IPO11: variants seen among roughly 807,000 people sequenced by gnomAD.
The protein encoded by IPO11 is importin-11.
A neutral mutation model predicts 143.2 loss-of-function variants in IPO11; 66 were observed. That is an observed-to-expected ratio of 0.46 (90% confidence interval 0.38 to 0.57). IPO11 has a LOEUF of 0.57. IPO11 is among the 20% of genes least tolerant of loss of function. The pLI, the probability that IPO11 is intolerant of heterozygous loss-of-function variation, is 0.00. For missense variants in IPO11, 1,026 were observed against 1,141.0 expected, an observed-to-expected ratio of 0.90 and a Z score of 1.45; for synonymous variants, 385 against 377.8, an observed-to-expected ratio of 1.02 and a Z score of -0.22.
At chr5:62,517,751 T>C (rs1157031352) in intron 20 of IPO11, among the ~76,000 whole-genome samples, 2 of 152,138 alleles carry the variant, frequency 1.3e-5, no homozygotes, top group Non-Finnish European at 2.9e-5. Context: ...GAGAGACATG[T>C]AACTAAACAC....
chr5:62,627,439 A>T lies in IPO11; in HGVS notation c.*121A>T. The T allele has an allele frequency of 2.3e-6, 2 of 856,248 alleles. No individual in the cohort carries two copies. Among genetic ancestry groups the T allele is most frequent in the Non-Finnish European group, 3.6e-6 (2 of 561,154 alleles). The allele number at this position is 856,248 out of a possible 1,614,324, so 53.0% of individuals were successfully genotyped here. On this transcript the variant is annotated 3_prime_UTR_variant, in exon 30 of 30. Coordinates refer to ENST00000325324, the MANE Select transcript of IPO11 (RefSeq NM_016338.5). The stretch of plus-strand genomic sequence containing the variant: ...CTTCATGAAAATAAGCAAAGACCAC[A>T]CATTTTTTACTACAAAATGTAAAGG...
At chr5:62,494,745 C>T (rs1022896577) in intron 16 of IPO11, among the ~76,000 whole-genome samples, 4 of 151,786 alleles carry the variant, frequency 2.6e-5, no homozygotes, top group Non-Finnish European at 5.9e-5. Context: ...TTCTTTTTTC[C>T]TACTGGTGCT....
At chr5:62,420,341 C>T (rs1446995898) in intron 1 of IPO11, among the ~76,000 whole-genome samples, 1 of 148,488 alleles carries the variant, frequency 6.7e-6, no homozygotes, top group Admixed American at 6.7e-5. Context: ...AAACCAGTAA[C>T]ATAGTTGCTT....
At chr5:62,572,104 G>A (rs1420799574) in intron 27 of IPO11, among the ~76,000 whole-genome samples, 1 of 152,124 alleles carries the variant, frequency 6.6e-6, no homozygotes, top group African/African-American at 2.4e-5. Context: ...TCTCTGCCAG[G>A]CTATTGAGTA....
chr5:62,509,845 A>G (rs747448854), intron 19 of IPO11, among the ~76,000 whole-genome samples: 1 of 152,218 alleles, frequency 6.6e-6, no homozygotes, highest in Non-Finnish European at 1.5e-5. Flanking sequence ...GAATAGTGCT[A>G]CAGTAAACAT....
At chr5:62,535,074 A>G (rs1939621103) in intron 22 of IPO11, among the ~76,000 whole-genome samples, 1 of 148,518 alleles carries the variant, frequency 6.7e-6, no homozygotes, top group African/African-American at 2.5e-5. Flanking sequence ...AACATGCCCA[A>G]GAAAATTTTG....
intron 3 of IPO11, among the ~76,000 whole-genome samples, chr5:62,447,906 G>A (rs1744776426): frequency 6.6e-6 from 1 of 152,030 alleles, no homozygotes; most frequent in Admixed American, 6.6e-5. Context: ...GTAGAGACAG[G>A]GTTTTGCCAT....
At chr5:62,568,395 T>C (rs1177809398) in intron 27 of IPO11, among the ~76,000 whole-genome samples, 2 of 151,408 alleles carry the variant, frequency 1.3e-5, no homozygotes, top group Non-Finnish European at 2.9e-5. Context: ...GTATTTCCGT[T>C]TGATTTTTTG....
chr5:62,442,232 C>A (rs899277831), intron 2 of IPO11, among the ~76,000 whole-genome samples: 1 of 152,142 alleles, frequency 6.6e-6, no homozygotes, highest in Non-Finnish European at 1.5e-5. Context: ...ACCCCGGGGC[C>A]TTGACTCCTT....
chr5:62,481,574 G>T, intron 9 of IPO11, among the ~76,000 whole-genome samples: 1 of 152,096 alleles, frequency 6.6e-6, no homozygotes, highest in East Asian at 1.9e-4. Flanking sequence ...ATTGATTTGC[G>T]TATGTTGAAC....
intron 29 of IPO11, among the ~76,000 whole-genome samples, chr5:62,615,885 C>T (rs1157218444): frequency 6.6e-6 from 1 of 152,116 alleles, no homozygotes; most frequent in African/African-American, 2.4e-5. Context: ...GAAAACTGGC[C>T]TGTTTTTAAA....
intron 29 of IPO11, among the ~76,000 whole-genome samples, chr5:62,610,003 A>G (rs1325076454): frequency 1.3e-5 from 2 of 152,190 alleles, no homozygotes; most frequent in Non-Finnish European, 2.9e-5. Flanking sequence ...CCATTTAGGG[A>G]AGCACTGCCT....
At chr5:62,481,015 ACACC>A (rs1746183952) in intron 9 of IPO11, among the ~76,000 whole-genome samples, 1 of 138,580 alleles carries the variant, frequency 7.2e-6, no homozygotes, top group Non-Finnish European at 1.5e-5. Context: ...TCCTGGGTTC[ACACC>A]ATTCTCCTGC....
intron 16 of IPO11, among the ~76,000 whole-genome samples, chr5:62,504,150 T>C (rs995095722): frequency 7.2e-5 from 11 of 152,200 alleles, no homozygotes; most frequent in Admixed American, 6.5e-4. Context: ...TATGTAAACC[T>C]TTCTGTATTT....
chr5:62,484,157 G>A lies in IPO11; in HGVS notation c.1169G>A (p.Gly390Asp). Residue 390 changes from glycine (G) to aspartate (D), a missense_variant, in exon 11 of 30, where the codon GGC (glycine) becomes GAC (aspartate). Gly to Asp is a moderately conservative substitution (Grantham distance 94). This residue lies in a region of IPO11 where 429 missense variants were observed against 456.3 expected (regional missense o/e 0.94). Transcript: ENST00000325324. ...ACAATGTGGGAAGAAGACCCAGAAGGCTTTAGTAAGAATTAATTTTTTAGT... is the reference window on the plus strand; with the variant it reads ...ACAATGTGGGAAGAAGACCCAGAAGACTTTAGTAAGAATTAATTTTTTAGT... Reference protein sequence around the residue: ...ELTMWEEDPEGFTVEETGGDS... With the variant: ...ELTMWEEDPEDFTVEETGGDS... 8 of 1,585,024 alleles carry A rather than the reference G, an allele frequency of 5.0e-6. No homozygotes were observed. Among genetic ancestry groups the A allele is most frequent in the Non-Finnish European group, 6.8e-6 (8 of 1,172,192 alleles).
At chr5:62,559,977 G>A (rs990478864) in intron 26 of IPO11, among the ~76,000 whole-genome samples, 8 of 150,156 alleles carry the variant, frequency 5.3e-5, no homozygotes, top group Non-Finnish European at 7.4e-5. Context: ...TGTTCAAGGG[G>A]CAGCAAGACA....
chr5:62,552,988 T>C (rs1159868159), intron 26 of IPO11, among the ~76,000 whole-genome samples: 5 of 152,204 alleles, frequency 3.3e-5, no homozygotes, highest in Admixed American at 3.3e-4. Context: ...TTCTAACTAT[T>C]TGAAACTATA....
chr5:62,536,759 TATC>T lies in IPO11; in HGVS notation c.2152_2154del (p.Ser718del), dbSNP rs1474304463. The T allele has an allele frequency of 3.2e-6, 5 of 1,567,726 alleles. No homozygotes were observed. The highest frequency in any genetic ancestry group is 4.3e-6 in the Non-Finnish European group (5 of 1,163,196). On this transcript the variant is annotated inframe_deletion, in exon 23 of 30. Coordinates refer to ENST00000325324, the MANE Select transcript of IPO11 (RefSeq NM_016338.5). The stretch of plus-strand genomic sequence containing the variant: ...AAGATCATCAATGGTTATATCTTTT[TATC>T]ATCAACAGAATTTTTACAGGTATGT...
intron 1 of IPO11, chr5:62,419,089 G>C (rs1294897933): frequency 6.4e-7 from 1 of 1,550,790 alleles, no homozygotes; most frequent in Non-Finnish European, 8.7e-7. Context: ...TGTACAGCAT[G>C]TTACTGCACT....
Sources: gnomAD v4.1 joint callset for allele counts (sites outside exome capture counted in the v4.1 genomes callset) on GRCh38, gnomAD v4.1.1 for gene constraint, gnomAD v4.1.1 regional missense constraint, MANE v1.5 for transcripts, NCBI Gene and HGNC (gene_info 2026-07-23, HGNC 2026-07-21) for gene names.